Variants in PTPRG observed in about 807,000 individuals in gnomAD.
PTPRG encodes receptor-type tyrosine-protein phosphatase gamma.
A neutral mutation model predicts 165.3 loss-of-function variants in PTPRG; 102 were observed. That is an observed-to-expected ratio of 0.62 (90% confidence interval 0.53 to 0.73). PTPRG has a LOEUF of 0.73. Ranked by LOEUF, PTPRG falls within the 30% of genes least tolerant of loss-of-function variation. PTPRG has a pLI of 0.00. For synonymous variants in PTPRG, 675 were observed against 669.5 expected (o/e 1.01, Z -0.13); for missense variants, 1,866 against 1,861.4 (o/e 1.00, Z -0.05).
intron 6 of PTPRG, among the ~76,000 whole-genome samples, chr3:62,134,758 T>C (rs940250178): frequency 6.6e-6 from 1 of 152,234 alleles, no homozygotes; most frequent in Non-Finnish European, 1.5e-5. Flanking sequence ...TGTGGCACGC[T>C]GTGTCCAGCA....
rs28431164 is a variant in PTPRG, at chr3:62,186,368, A to G, written c.1034-5101A>G. Among the ~76,000 whole-genome samples, 972 of 152,112 alleles carry G rather than the reference A, an allele frequency of 6.4e-3. 13 individuals are homozygous for G. Among genetic ancestry groups the G allele is most frequent in the African/African-American group, 0.022 (926 of 41,488 alleles). ...AACGCGAGCCCCTGCCAAGGGTACC[A>G]GTGATAAGGAGCTTGGTGGTCCCTG... On this transcript the variant is annotated intron_variant, in intron 8 of 29. Transcript: ENST00000474889.
chr3:61,718,180 A>G (rs1033045560), intron 1 of PTPRG, among the ~76,000 whole-genome samples: 1 of 149,502 alleles, frequency 6.7e-6, no homozygotes, highest in Non-Finnish European at 1.5e-5. Context: ...ACCCTGTCTA[A>G]AACAAAACAA....
Position 62,294,597 on chromosome 3 carries a change from G to T in PTPRG, c.*1290G>T, listed in dbSNP as rs190262841. The T allele has an allele frequency of 1.4e-4, 22 of 152,206 alleles. No individual in the cohort carries two copies. The highest frequency in any genetic ancestry group is 5.1e-4 in the African/African-American group (21 of 41,544). 9.4% of individuals were successfully genotyped at this position (152,206 alleles called of 1,614,324 possible). A position where few individuals can be genotyped will look rare whatever the true frequency, so the allele number is the denominator to read the frequency against. ...CATTAGAGCTCAAGGAAGTTATTAG[G>T]TGCAGCCTCTGGAGCCATACTCACG... On this transcript the variant is annotated 3_prime_UTR_variant, in exon 30 of 30. Transcript: ENST00000474889.
chr3:61,718,225 A>AC (rs1401040243), intron 1 of PTPRG, among the ~76,000 whole-genome samples: 5 of 151,882 alleles, frequency 3.3e-5, no homozygotes, highest in Admixed American at 6.6e-5. Flanking sequence ...AAAAAAAAAA[A>AC]AAAACGCAGA....
At chr3:61,679,813 C>T (rs1377655719) in intron 1 of PTPRG, among the ~76,000 whole-genome samples, 4 of 151,968 alleles carry the variant, frequency 2.6e-5, no homozygotes, top group Admixed American at 6.6e-5. Flanking sequence ...CAAAAAAACC[C>T]CACAATCCAG....
intron 9 of PTPRG, among the ~76,000 whole-genome samples, chr3:62,194,314 T>C (rs13318326): frequency 0.011 from 1,657 of 152,314 alleles, 25 homozygotes; most frequent in African/African-American, 0.038. Context: ...GCTGGGCCTA[T>C]GTTATGTAAT....
rs543457022 is a variant in PTPRG at position 61,749,466 on chromosome 3, G to A, written c.190+484G>A. The A allele has an allele frequency of 1.2e-5, 3 of 248,970 alleles. No homozygotes were observed. In the South Asian group the frequency reaches 1.3e-4, roughly 10 times the overall value. The allele number at this position is 248,970 out of a possible 1,614,324, so 15.4% of individuals were successfully genotyped here. On this transcript the variant is annotated intron_variant, in intron 2 of 29. Coordinates refer to ENST00000474889, the MANE Select transcript of PTPRG (RefSeq NM_002841.4). ...TTGAATATATTTTAGCTGTCTACTC[G>A]ATGGTAATCTGCAGTCCTTTTCATT...
intron 5 of PTPRG, among the ~76,000 whole-genome samples, chr3:62,093,212 C>T (rs1280581235): frequency 2.0e-5 from 3 of 152,190 alleles, no homozygotes; most frequent in African/African-American, 7.2e-5. Context: ...AATTGCCCTC[C>T]ATCCCGGCTC....
chr3:61,868,175 T>C (rs1270829384), intron 2 of PTPRG, among the ~76,000 whole-genome samples: 2 of 152,224 alleles, frequency 1.3e-5, no homozygotes, highest in African/African-American at 4.8e-5. Context: ...ATTGAGAGTT[T>C]ACAGTGTTAG....
At chr3:62,101,464 TA>T (rs1157967200) in intron 5 of PTPRG, among the ~76,000 whole-genome samples, 2 of 152,244 alleles carry the variant, frequency 1.3e-5, no homozygotes, top group East Asian at 3.8e-4. Flanking sequence ...ATAATATTAT[TA>T]ATCAGTTTTG....
chr3:61,983,545 A>C (rs752403344), intron 2 of PTPRG, among the ~76,000 whole-genome samples: 13 of 152,120 alleles, frequency 8.5e-5, no homozygotes, highest in Admixed American at 5.9e-4. Flanking sequence ...ATGGCTTTTC[A>C]TTAGTGAATA....
rs187889996 is a variant in PTPRG, at chr3:62,224,966, C to T, written c.2288+5983C>T. ...AAGCAAAGTGATTTTGGACAAGGGG[C>T]AGGGTTGTGAGGCAGATAATAAAAA... On this transcript the variant is annotated intron_variant, in intron 13 of 29. Coordinates refer to ENST00000474889, the MANE Select transcript of PTPRG (RefSeq NM_002841.4). The surrounding 1 kb of genome is among the most constrained non-coding windows in gnomAD (Gnocchi z 4.9). Among the ~76,000 whole-genome samples the T allele has an allele frequency of 3.9e-5, 6 of 152,186 alleles. No individual in the cohort carries two copies. The East Asian group carries it at 1.2e-3, about 29-fold the overall frequency.
intron 2 of PTPRG, among the ~76,000 whole-genome samples, chr3:61,790,853 C>T (rs915370499): frequency 6.6e-6 from 1 of 151,246 alleles, no homozygotes; most frequent in African/African-American, 2.4e-5. Flanking sequence ...TCATCTCTGA[C>T]ATAGGTAGGT....
At chr3:61,989,583 C>A (rs185840958) in intron 2 of PTPRG, 42 bp from the exon 3 acceptor site, 1 of 1,588,970 alleles carries the variant, frequency 6.3e-7, no homozygotes. Flanking sequence ...TCATCCCTGA[C>A]CCTTGAACCA....
At chr3:62,125,000 G>T (rs1420003029) in intron 5 of PTPRG, among the ~76,000 whole-genome samples, 1 of 152,116 alleles carries the variant, frequency 6.6e-6, no homozygotes, top group African/African-American at 2.4e-5. Context: ...CTTAGAGTGA[G>T]CCCATCACAG....
At chr3:62,176,770 G>T (rs1705442018) in intron 8 of PTPRG, among the ~76,000 whole-genome samples, 1 of 152,050 alleles carries the variant, frequency 6.6e-6, no homozygotes, top group African/African-American at 2.4e-5. Flanking sequence ...GATGAGGAGG[G>T]CCTAACACAG....
intron 5 of PTPRG, among the ~76,000 whole-genome samples, chr3:62,108,957 G>C (rs1361747253): frequency 2.8e-5 from 2 of 70,892 alleles, no homozygotes; most frequent in African/African-American, 8.6e-5. Context: ...CAGATGGATA[G>C]ATTGCAGAAT....
At chr3:61,669,347 G>C (rs999231267) in intron 1 of PTPRG, among the ~76,000 whole-genome samples, 1 of 151,872 alleles carries the variant, frequency 6.6e-6, no homozygotes, top group East Asian at 1.9e-4. Context: ...TCCAAATACT[G>C]TAATGTGCTT....
At chr3:62,023,032 A>G (rs1021093870) in intron 4 of PTPRG, among the ~76,000 whole-genome samples, 2 of 152,128 alleles carry the variant, frequency 1.3e-5, no homozygotes. Flanking sequence ...TACATCACCA[A>G]TTAATTAAAT....
Sources: gnomAD v4.1 joint callset for allele counts (sites outside exome capture counted in the v4.1 genomes callset) on GRCh38, gnomAD v4.1.1 for gene constraint, Gnocchi (gnomAD v3.1) non-coding constraint, MANE v1.5 for transcripts, NCBI Gene and HGNC (gene_info 2026-07-23, HGNC 2026-07-21) for gene names.